Variants in PDE4D observed in about 807,000 individuals in gnomAD.
PDE4D encodes the protein phosphodiesterase 4D.
Under a neutral mutation model 87.4 loss-of-function variants are expected in PDE4D, and 24 were observed. That is an observed-to-expected ratio of 0.27 (90% CI 0.20 to 0.39). PDE4D has a LOEUF of 0.39. Ranked by LOEUF, PDE4D falls within the 10% of genes least tolerant of loss-of-function variation. The pLI, the probability that PDE4D is intolerant of heterozygous loss-of-function variation, is 1.00. For synonymous variants in PDE4D, 384 were observed against 383.2 expected (o/e 1.00, Z -0.02); for missense variants, 714 against 1,041.0 (o/e 0.69, Z 4.32).
intron 1 of PDE4D, among the ~76,000 whole-genome samples, chr5:59,887,869 A>T (rs1750396809): frequency 6.6e-6 from 1 of 152,224 alleles, no homozygotes; most frequent in Non-Finnish European, 1.5e-5. Flanking sequence ...TGTAATTTCC[A>T]AACTTTTGGT....
At chr5:60,386,923 T>A (rs374651785) in intron 1 of PDE4D, among the ~76,000 whole-genome samples, 1 of 152,108 alleles carries the variant, frequency 6.6e-6, no homozygotes, top group Non-Finnish European at 1.5e-5. Flanking sequence ...ACTGTCACCA[T>A]GTCTGATAGA....
chr5:60,027,478 T>C (rs1390080741), intron 2 of PDE4D, among the ~76,000 whole-genome samples: 5 of 152,156 alleles, frequency 3.3e-5, no homozygotes, highest in Admixed American at 6.5e-5. Flanking sequence ...TAGGTGTCAA[T>C]AGGCACCTAG....
chr5:60,047,927 T>A, intron 2 of PDE4D, among the ~76,000 whole-genome samples: 1 of 152,178 alleles, frequency 6.6e-6, no homozygotes, highest in Admixed American at 6.5e-5. Context: ...CCTTGTTGAC[T>A]TTGTGTCTCG....
intron 1 of PDE4D, among the ~76,000 whole-genome samples, chr5:59,302,325 G>A (rs973342263): frequency 2.6e-5 from 4 of 151,254 alleles, no homozygotes; most frequent in African/African-American, 9.9e-5. Flanking sequence ...GGTCCCTTCC[G>A]AATGTACTTT....
At chr5:59,697,383 G>T (rs935715168) in intron 1 of PDE4D, among the ~76,000 whole-genome samples, 6 of 152,150 alleles carry the variant, frequency 3.9e-5, no homozygotes, top group African/African-American at 1.2e-4. Context: ...TCTTTCTGGG[G>T]GTACCAGGAA....
chr5:60,492,701 T>C (rs901707268), upstream of PDE4D, among the ~76,000 whole-genome samples: 1 of 151,766 alleles, frequency 6.6e-6, no homozygotes, highest in Non-Finnish European at 1.5e-5. Context: ...ATGAGAACAC[T>C]TGGACACAGG....
chr5:59,620,079 A>C (rs1830171163), intron 1 of PDE4D, among the ~76,000 whole-genome samples: 1 of 152,162 alleles, frequency 6.6e-6, no homozygotes, highest in South Asian at 2.1e-4. Context: ...CTCAAGGTAC[A>C]GGAGCAGATT....
chr5:59,286,791 A>G (rs1445604608), intron 1 of PDE4D, among the ~76,000 whole-genome samples: 1 of 152,224 alleles, frequency 6.6e-6, no homozygotes, highest in Non-Finnish European at 1.5e-5. Flanking sequence ...ATTTCATTAA[A>G]ATAAAATACA....
intron 1 of PDE4D, among the ~76,000 whole-genome samples, chr5:60,446,729 G>A (rs1172108886): frequency 6.6e-6 from 1 of 152,146 alleles, no homozygotes; most frequent in African/African-American, 2.4e-5. Context: ...AATTCAGATG[G>A]AGAGCTAAGT....
chr5:59,695,830 A>C (rs1305409946), intron 1 of PDE4D, among the ~76,000 whole-genome samples: 1 of 151,760 alleles, frequency 6.6e-6, no homozygotes, highest in East Asian at 2.0e-4. Flanking sequence ...GCTGGTCTCA[A>C]ACTCCTGAGC....
At chr5:59,169,557 C>G (rs976863456) in intron 5 of PDE4D, among the ~76,000 whole-genome samples, 31 of 152,146 alleles carry the variant, frequency 2.0e-4, no homozygotes, top group Non-Finnish European at 3.8e-4. Flanking sequence ...GAAGTCAGCA[C>G]AGATAATAAT....
intron 1 of PDE4D, among the ~76,000 whole-genome samples, chr5:59,703,384 TA>T (rs1752897208): frequency 6.6e-6 from 1 of 152,190 alleles, no homozygotes; most frequent in East Asian, 1.9e-4. Flanking sequence ...TTTCAGACAA[TA>T]ATTAACATGT....
At chr5:60,208,457 G>A (rs2113072) in intron 1 of PDE4D, among the ~76,000 whole-genome samples, 3,645 of 152,222 alleles carry the variant, frequency 0.024, 60 homozygotes, top group Non-Finnish European at 0.036. Context: ...GTGTAGTTAC[G>A]GTCTTGTAAG....
At chr5:59,393,406 A>G (rs1788640505) in intron 1 of PDE4D, among the ~76,000 whole-genome samples, 2 of 152,246 alleles carry the variant, frequency 1.3e-5, no homozygotes, top group South Asian at 2.1e-4. Context: ...TTATTGGTCA[A>G]GTGGTTGGAG....
intron 1 of PDE4D, chr5:60,460,587 T>G (rs1243682783): frequency 1.5e-6 from 2 of 1,303,884 alleles, no homozygotes; most frequent in East Asian, 2.3e-5. Context: ...TTTCATTTTG[T>G]ACTTCATCAA....
At chr5:59,490,115 TACCCTTACA>T (rs1805910648) in intron 1 of PDE4D, among the ~76,000 whole-genome samples, 1 of 152,192 alleles carries the variant, frequency 6.6e-6, no homozygotes. Context: ...AAAGATGAGA[TACCCTTACA>T]ATTATCTCAT....
intron 1 of PDE4D, among the ~76,000 whole-genome samples, chr5:59,719,337 T>C (rs930356421): frequency 5.3e-5 from 8 of 152,190 alleles, no homozygotes; most frequent in African/African-American, 1.9e-4. Flanking sequence ...TAGCTGCACC[T>C]CATTATATAG....
intron 1 of PDE4D, among the ~76,000 whole-genome samples, chr5:59,856,175 A>T (rs563656446): frequency 1.3e-5 from 2 of 152,250 alleles, no homozygotes; most frequent in African/African-American, 4.8e-5. Context: ...GCTCTTGTTA[A>T]TGACTTTGCT....
chr5:60,144,118 C>T (rs559821710), intron 2 of PDE4D, among the ~76,000 whole-genome samples: 8 of 152,274 alleles, frequency 5.3e-5, no homozygotes, highest in East Asian at 1.9e-4. Context: ...ATCCTCCCAG[C>T]GGCAGCGGTG....
Sources: allele counts gnomAD v4.1 joint callset (sites outside exome capture counted in the v4.1 genomes callset), GRCh38; gene constraint gnomAD v4.1.1; transcripts MANE v1.5; gene names NCBI Gene and HGNC (gene_info 2026-07-23, HGNC 2026-07-21).